The following ITGB1BP1 variants were observed in gnomAD, a reference collection of about 807,000 sequenced individuals.
The protein encoded by ITGB1BP1 is integrin subunit beta 1 binding protein 1.
ITGB1BP1 carries 20 observed loss-of-function variants against 28.0 expected under a neutral mutation model. The observed-to-expected ratio is 0.71, with a 90% CI of 0.50 to 1.04. ITGB1BP1 has a LOEUF of 1.04. ITGB1BP1 is among the 50% of genes least tolerant of loss of function. ITGB1BP1 has a pLI of 0.00. For synonymous variants in ITGB1BP1, 103 were observed against 89.5 expected (o/e 1.15, Z -0.85); for missense variants, 228 against 242.5 (o/e 0.94, Z 0.40).
rs1158657380 is a variant in ITGB1BP1 at position 9,404,087 on chromosome 2, T to C, written c.*2747A>G. 6.6e-6 allele frequency: 1 copy of C among 152,258 alleles called. No homozygotes were observed. The highest frequency in any genetic ancestry group is 1.5e-5 in the Non-Finnish European group (1 of 68,042). 9.4% of individuals were successfully genotyped at this position (152,258 alleles called of 1,614,324 possible). A position where few individuals can be genotyped will look rare whatever the true frequency, so the allele number is the denominator to read the frequency against. On this transcript the variant is annotated 3_prime_UTR_variant, in exon 7 of 7. Transcript: ENST00000355346. ...GCAAAACAGTTCTTTTAAATTAGTT[T>C]ATATGCTTTAGGTGTTTTGGAATTT...
chr2:9,407,668 T>C, intron 5 of ITGB1BP1, 70 bp from the exon 6 acceptor site: 1 of 1,556,070 alleles, frequency 6.4e-7, no homozygotes. Flanking sequence ...TGACACACCC[T>C]CCCAGGCAGA....
chr2:9,412,366 C>A lies in ITGB1BP1; in HGVS notation c.191G>T (p.Arg64Leu), dbSNP rs774507175. Residue 64 changes from arginine to leucine, a missense_variant, in exon 4 of 7, where the codon CGA (arginine) becomes CTA (leucine). By Grantham distance (102) the Arg-to-Leu change is moderately radical. This residue lies in a region of ITGB1BP1 where 192 missense variants were observed against 181.6 expected (regional missense o/e 1.06). Transcript: ENST00000355346. ...NNNSDTCAEF[R>L]IKYVGAIEKL... is the part of the protein sequence containing the mutation. ...CTCAATGGCACCAACATATTTTATT[C>A]GAAATTCTGCACAGGTATCTGAATT... is the stretch of plus-strand genomic sequence containing the variant. 6.2e-7 allele frequency: 1 copy of A among 1,611,770 alleles called. No individual in the cohort carries two copies. Among genetic ancestry groups the A allele is most frequent in the Non-Finnish European group, 8.5e-7 (1 of 1,179,160 alleles).
rs1216245179 is a variant in ITGB1BP1 at position 9,408,123 on chromosome 2, G to A, written c.371C>T (p.Ser124Leu). ...VSKYGIKVST[S>L]DQYDVLHRHA... Reference sequence around the variant, plus strand: ...AATTATATTACTTACATATTGATCTGATGTTGATACTTTTATGCCATACTT... The same window carrying A: ...AATTATATTACTTACATATTGATCTAATGTTGATACTTTTATGCCATACTT... The change falls in exon 5 of 7, where the codon TCA becomes TTA. Residue 124 changes from serine (S) to leucine (L), a missense_variant. Physicochemically the swap from Ser to Leu is moderately radical, Grantham distance 145 (BLOSUM62 -2). This residue lies in a region of ITGB1BP1 where 192 missense variants were observed against 181.6 expected (regional missense o/e 1.06). Transcript: ENST00000355346. The A allele has an allele frequency of 1.3e-6, 2 of 1,518,378 alleles. No homozygotes were observed. The highest frequency in any genetic ancestry group is 1.1e-5 in the South Asian group (1 of 88,726). 94.1% of individuals were successfully genotyped at this position (1,518,378 alleles called of 1,614,324 possible).
In ITGB1BP1 at chr2:9,414,433, C is replaced by CA. The variant is rs531717626; in HGVS notation, c.73-178dup. ...TTAAGACAAATTCTGTAACAAACTT[C>CA]AAAAAAAAAACCACATAATCCCAAC... On this transcript the variant is annotated intron_variant, in intron 2 of 6. Coordinates refer to ENST00000355346, the MANE Select transcript of ITGB1BP1 (RefSeq NM_004763.5). Among the ~76,000 whole-genome samples the CA allele has an allele frequency of 9.2e-4, 137 of 148,858 alleles. 1 individual carries two copies. Among genetic ancestry groups the CA allele is most frequent in the South Asian group, 7.0e-3 (33 of 4,702 alleles).
At chr2:9,412,063 AGT>A (rs1678489172) in intron 4 of ITGB1BP1, 8 of 454,378 alleles carry the variant, frequency 1.8e-5, no homozygotes, top group South Asian at 6.7e-5. Flanking sequence ...AAAAAAAAAA[AGT>A]ACCGTGTTTG....
intron 4 of ITGB1BP1, among the ~76,000 whole-genome samples, chr2:9,408,621 T>C (rs1250234124): frequency 6.6e-6 from 1 of 152,200 alleles, no homozygotes; most frequent in East Asian, 1.9e-4. Context: ...ATTACAGGCA[T>C]GAGCCACCAT....
chr2:9,409,673 T>A (rs1019620711), intron 4 of ITGB1BP1, among the ~76,000 whole-genome samples: 2 of 151,948 alleles, frequency 1.3e-5, no homozygotes, highest in Admixed American at 1.3e-4. Context: ...TAAAACATTA[T>A]AACAAAATGA....
In ITGB1BP1 at chr2:9,404,194, A is replaced by G. The variant is rs996085824; in HGVS notation, c.*2640T>C. On this transcript the variant is annotated 3_prime_UTR_variant, in exon 7 of 7. Coordinates refer to ENST00000355346, the MANE Select transcript of ITGB1BP1 (RefSeq NM_004763.5). ...GGCGCAGACCATGCTGTATTAACAC[A>G]TCACTTGCTGTTTCCTACTGAGTGT... The G allele has an allele frequency of 6.6e-6, 1 of 152,258 alleles. No individual in the cohort carries two copies. Among genetic ancestry groups the G allele is most frequent in the African/African-American group, 2.4e-5 (1 of 41,466 alleles). The allele number at this position is 152,258 out of a possible 1,614,324, so 9.4% of individuals were successfully genotyped here. A position where few individuals can be genotyped will look rare whatever the true frequency, so the allele number is the denominator to read the frequency against.
At position 9,406,777 on chromosome 2, in the gene ITGB1BP1, G is replaced by A; in HGVS notation, c.*57C>T. Reference sequence around the variant, plus strand: ...ATTATTTGCATAACATTTCAGCATTGCAGTTTGAAAACAGCTGAACTTTCA... The same window carrying A: ...ATTATTTGCATAACATTTCAGCATTACAGTTTGAAAACAGCTGAACTTTCA... On this transcript the variant is annotated 3_prime_UTR_variant, in exon 7 of 7. Transcript: ENST00000355346. The A allele has an allele frequency of 9.0e-7, 1 of 1,109,996 alleles. No homozygotes were observed. Among genetic ancestry groups the A allele is most frequent in the Non-Finnish European group, 1.4e-6 (1 of 719,314 alleles). The allele number at this position is 1,109,996 out of a possible 1,614,324, so 68.8% of individuals were successfully genotyped here.
chr2:9,409,719 G>A (rs1678050431), intron 4 of ITGB1BP1, among the ~76,000 whole-genome samples: 1 of 152,002 alleles, frequency 6.6e-6, no homozygotes, highest in African/African-American at 2.4e-5. Flanking sequence ...AACTAATCTA[G>A]GTGGTTTTCC....
intron 6 of ITGB1BP1, 126 bp downstream of exon 6, chr2:9,407,323 A>G (rs1558419445): frequency 1.8e-6 from 2 of 1,105,836 alleles, no homozygotes; most frequent in Non-Finnish European, 2.6e-6. Flanking sequence ...CCTAATATTC[A>G]TTCACTATCC....
rs759053681 is a variant in ITGB1BP1, at chr2:9,415,838, C to A, written c.73-1582G>T. 1.3e-5 allele frequency among the ~76,000 whole-genome samples: 2 copies of A among 152,216 alleles called. No homozygotes were observed. The highest frequency in any genetic ancestry group is 2.9e-5 in the Non-Finnish European group (2 of 68,028). Reference sequence around the variant, plus strand: ...CAGCTTACCCTGCCCTGACTGGAAACTGAGTGGCAGTCGTGTGTCTTTGTC... The same window carrying A: ...CAGCTTACCCTGCCCTGACTGGAAAATGAGTGGCAGTCGTGTGTCTTTGTC... On this transcript the variant is annotated intron_variant, in intron 2 of 6. Transcript: ENST00000355346. The surrounding 1 kb of genome is among the most constrained non-coding windows in gnomAD (Gnocchi z 4.1).
At chr2:9,418,821 G>A (rs1171831333) in intron 1 of ITGB1BP1, 89 bp from the exon 2 acceptor site, 3 of 907,766 alleles carry the variant, frequency 3.3e-6, no homozygotes, top group Non-Finnish European at 5.2e-6. Context: ...CTCTTACCCA[G>A]GCTGGAGTGC....
At chr2:9,409,841 CTTTTTTTTTT>C (rs1036594187) in intron 4 of ITGB1BP1, among the ~76,000 whole-genome samples, 15 of 123,162 alleles carry the variant, frequency 1.2e-4, no homozygotes, top group Admixed American at 1.2e-3. Flanking sequence ...ACCGTGAGTT[CTTTTTTTTTT>C]TTTTTTTTTT....
In ITGB1BP1 at chr2:9,408,145, A is replaced by G; in HGVS notation, c.349T>C (p.Tyr117His). The change falls in exon 5 of 7, where the codon TAT becomes CAT. Residue 117 changes from tyrosine (Y) to histidine (H), a missense_variant. Tyr to His is a moderately conservative substitution (Grantham distance 83). Around this residue, in one of 2 missense-constraint regions of ITGB1BP1, gnomAD observed 192 missense variants for 181.6 expected, o/e 1.06. Coordinates refer to ENST00000355346, the MANE Select transcript of ITGB1BP1 (RefSeq NM_004763.5). ...TCTGATGTTGATACTTTTATGCCAT[A>G]CTTGGAAACTCCCATAATAAATTCT... Reference protein sequence around the residue: ...EEEFIMGVSKYGIKVSTSDQY... With the variant: ...EEEFIMGVSKHGIKVSTSDQY... 6.3e-7 allele frequency: 1 copy of G among 1,592,482 alleles called. No individual in the cohort carries two copies. The highest frequency in any genetic ancestry group is 8.6e-7 in the Non-Finnish European group (1 of 1,160,902).
intron 2 of ITGB1BP1, among the ~76,000 whole-genome samples, chr2:9,416,829 C>T (rs1311266705): frequency 1.3e-5 from 2 of 152,152 alleles, no homozygotes; most frequent in Non-Finnish European, 2.9e-5. Context: ...TATCTGGCAT[C>T]CAGGTAGAAA....
chr2:9,417,667 C>A (rs986334204), intron 2 of ITGB1BP1, among the ~76,000 whole-genome samples: 2 of 152,162 alleles, frequency 1.3e-5, no homozygotes, highest in Non-Finnish European at 2.9e-5. Context: ...GATCTGCCTG[C>A]CTTGGCCTCC....
intron 2 of ITGB1BP1, among the ~76,000 whole-genome samples, chr2:9,416,872 C>A (rs936396382): frequency 2.2e-4 from 34 of 152,280 alleles, no homozygotes; most frequent in African/African-American, 7.9e-4. Context: ...CTGCCTCCCA[C>A]AGCACCTGGT....
chr2:9,420,717 C>G (rs924145860), intron 1 of ITGB1BP1, among the ~76,000 whole-genome samples: 1 of 152,160 alleles, frequency 6.6e-6, no homozygotes, highest in Admixed American at 6.5e-5. Context: ...AGGCAGGCCG[C>G]GGTAACAGTG....
Sources: allele counts gnomAD v4.1 joint callset (sites outside exome capture counted in the v4.1 genomes callset), GRCh38; gene constraint gnomAD v4.1.1; regional missense constraint gnomAD v4.1.1; non-coding constraint Gnocchi (gnomAD v3.1); transcripts MANE v1.5; gene names NCBI Gene and HGNC (gene_info 2026-07-23, HGNC 2026-07-21).